The following SLC35F4 variants were observed in gnomAD, a reference collection of about 807,000 sequenced individuals.
SLC35F4 encodes the protein chromosome 14 open reading frame 36.
SLC35F4 carries 24 observed loss-of-function variants against 44.2 expected under a neutral mutation model. The ratio of observed to expected loss-of-function variants is 0.54; its 90% CI spans 0.39 to 0.76. The LOEUF is 0.76. Among genes scored for constraint, SLC35F4 ranks in the 30% least tolerant of loss-of-function variants. SLC35F4 has a pLI of 0.00. For missense variants in SLC35F4, 562 were observed against 586.1 expected (o/e 0.96, Z 0.42); for synonymous variants, 238 against 223.6 (o/e 1.06, Z -0.57).
intron 1 of SLC35F4, among the ~76,000 whole-genome samples, chr14:57,851,688 CA>C (rs1413147425): frequency 1.3e-5 from 2 of 152,096 alleles, no homozygotes; most frequent in African/African-American, 4.8e-5. Context: ...CAAGTAAATG[CA>C]ATCTGGTACT....
intron 1 of SLC35F4, among the ~76,000 whole-genome samples, chr14:57,677,455 G>A (rs1037289878): frequency 2.0e-5 from 3 of 151,958 alleles, no homozygotes; most frequent in African/African-American, 7.3e-5. Flanking sequence ...GGGTAGCTAT[G>A]CATAAAGCAA....
At chr14:57,956,679 CAT>C (rs1869554653) in intron 1 of SLC35F4, among the ~76,000 whole-genome samples, 1 of 151,938 alleles carries the variant, frequency 6.6e-6, no homozygotes, top group Non-Finnish European at 1.5e-5. Flanking sequence ...GGCCAACAAA[CAT>C]ATGAAAAAAA....
intron 1 of SLC35F4, among the ~76,000 whole-genome samples, chr14:57,692,964 C>T (rs895413433): frequency 6.6e-6 from 1 of 152,134 alleles, no homozygotes; most frequent in Non-Finnish European, 1.5e-5. Context: ...AACTGTATCA[C>T]ACAATTTTTA....
At chr14:57,923,141 A>C (rs1889474884) in intron 1 of SLC35F4, among the ~76,000 whole-genome samples, 1 of 152,212 alleles carries the variant, frequency 6.6e-6, no homozygotes, top group Non-Finnish European at 1.5e-5. Flanking sequence ...TCTAGAATTC[A>C]AGGTTTTTTT....
At chr14:57,773,243 G>C (rs2077411038) in intron 1 of SLC35F4, among the ~76,000 whole-genome samples, 1 of 152,098 alleles carries the variant, frequency 6.6e-6, no homozygotes. Context: ...TTAGTCCTTT[G>C]TCAAAGGCAT....
chr14:57,912,044 A>T (rs995120799), intron 1 of SLC35F4, among the ~76,000 whole-genome samples: 2 of 152,012 alleles, frequency 1.3e-5, no homozygotes, highest in Admixed American at 6.5e-5. Context: ...CATTTCATCT[A>T]GGTTGTCAAA....
chr14:57,758,470 G>A (rs533691520), intron 1 of SLC35F4, among the ~76,000 whole-genome samples: 2 of 151,768 alleles, frequency 1.3e-5, no homozygotes. Context: ...TATTCAGTAT[G>A]TTTTTTATCC....
intron 1 of SLC35F4, among the ~76,000 whole-genome samples, chr14:57,830,360 A>G (rs2140934407): frequency 6.6e-6 from 1 of 152,340 alleles, no homozygotes; most frequent in African/African-American, 2.4e-5. Context: ...TATGTTAACT[A>G]CCACTTCCTT....
intron 1 of SLC35F4, among the ~76,000 whole-genome samples, chr14:57,883,628 A>C (rs920348302): frequency 6.6e-6 from 1 of 152,240 alleles, no homozygotes; most frequent in Admixed American, 6.5e-5. Context: ...TTTAGATATA[A>C]GTTTTAATAG....
chr14:57,815,302 T>G (rs1180439257), intron 1 of SLC35F4, among the ~76,000 whole-genome samples: 1 of 152,234 alleles, frequency 6.6e-6, no homozygotes, highest in Non-Finnish European at 1.5e-5. Flanking sequence ...AGCATTTGTG[T>G]AATTGACTCC....
intron 1 of SLC35F4, among the ~76,000 whole-genome samples, chr14:57,806,814 G>A (rs1160677537): frequency 6.6e-6 from 1 of 152,190 alleles, no homozygotes; most frequent in African/African-American, 2.4e-5. Flanking sequence ...CATTGCAAAT[G>A]TAATTTTGAA....
At chr14:57,886,248 T>C (rs1337853312) in intron 1 of SLC35F4, among the ~76,000 whole-genome samples, 1 of 152,210 alleles carries the variant, frequency 6.6e-6, no homozygotes, top group African/African-American at 2.4e-5. Context: ...TCACAGTTTC[T>C]GTGGGCTAGA....
chr14:57,624,817 A>G (rs1016439997), intron 1 of SLC35F4, among the ~76,000 whole-genome samples: 5 of 152,030 alleles, frequency 3.3e-5, no homozygotes, highest in Admixed American at 6.6e-5. Context: ...AAATAATAAG[A>G]CCTATTTATG....
chr14:57,797,259 C>T (rs12436335), intron 1 of SLC35F4, among the ~76,000 whole-genome samples: 37,621 of 152,040 alleles, frequency 0.25, 5,032 homozygotes, highest in Admixed American at 0.38. Flanking sequence ...GGGCAATTTG[C>T]GGGCAGGATT....
chr14:57,823,580 G>A (rs1193050580), intron 1 of SLC35F4, among the ~76,000 whole-genome samples: 1 of 152,194 alleles, frequency 6.6e-6, no homozygotes, highest in Admixed American at 6.6e-5. Flanking sequence ...CTGGTTCCTA[G>A]TTGGTGCTCA....
At chr14:57,972,574 A>G (rs1424441695), downstream of SLC35F4, among the ~76,000 whole-genome samples, 2 of 152,072 alleles carry the variant, frequency 1.3e-5, no homozygotes, top group Non-Finnish European at 2.9e-5. Flanking sequence ...ATTTCATTTT[A>G]TAGAAAAGAA....
At chr14:57,617,497 C>T (rs984880307) in intron 1 of SLC35F4, among the ~76,000 whole-genome samples, 5 of 152,084 alleles carry the variant, frequency 3.3e-5, no homozygotes, top group African/African-American at 9.7e-5. Context: ...CCTTTATATA[C>T]ATTATATGCA....
At chr14:57,881,366 T>C (rs560577817) in intron 1 of SLC35F4, among the ~76,000 whole-genome samples, 10 of 152,332 alleles carry the variant, frequency 6.6e-5, no homozygotes, top group African/African-American at 2.4e-4. Flanking sequence ...TACCAGGATT[T>C]TGTTGTGAAA....
chr14:57,620,846 T>C (rs868066443), intron 1 of SLC35F4, among the ~76,000 whole-genome samples: 8 of 152,096 alleles, frequency 5.3e-5, no homozygotes, highest in East Asian at 1.9e-4. Flanking sequence ...AAATAAAGGG[T>C]ATTCAATTAG....
Sources: allele counts gnomAD v4.1 joint callset (sites outside exome capture counted in the v4.1 genomes callset), GRCh38; gene constraint gnomAD v4.1.1; transcripts MANE v1.5; gene names NCBI Gene and HGNC (gene_info 2026-07-23, HGNC 2026-07-21).